The following C11orf65 variants were observed in gnomAD, a reference collection of about 807,000 sequenced individuals.
C11orf65 encodes the protein chromosome 11 open reading frame 65, also known as protein MFI.
C11orf65 carries 38 observed loss-of-function variants against 35.3 expected under a neutral mutation model. The observed-to-expected ratio is 1.08, with a 90% CI of 0.83 to 1.41. The LOEUF is 1.41. Ranked by LOEUF, C11orf65 falls within the 40% of genes most tolerant of loss-of-function variation. C11orf65 has a pLI of 0.00. For synonymous variants in C11orf65, 105 were observed against 114.4 expected (o/e 0.92, Z 0.53); for missense variants, 370 against 367.1 (o/e 1.01, Z -0.06).
chr11:108,402,430 G>C (rs1471139399), intron 6 of C11orf65, among the ~76,000 whole-genome samples: 3 of 152,130 alleles, frequency 2.0e-5, no homozygotes, highest in Non-Finnish European at 4.4e-5. Flanking sequence ...TGGTAGTACT[G>C]TAGGCATTGT....
chr11:108,349,011 T>A (rs1372113635), intron 2 of C11orf65, among the ~76,000 whole-genome samples: 3 of 152,132 alleles, frequency 2.0e-5, no homozygotes. Context: ...GCAAATAGAT[T>A]TCAGTTGAAG....
intron 2 of C11orf65, among the ~76,000 whole-genome samples, chr11:108,451,248 T>C (rs2093343878): frequency 6.6e-6 from 1 of 151,880 alleles, no homozygotes; most frequent in Non-Finnish European, 1.5e-5. Flanking sequence ...GATTGTATAT[T>C]TAGAAAACCC....
In C11orf65 at chr11:108,331,495, T is replaced by G; in HGVS notation, c.*55A>C. ...TAAATTTTTGCCTCTTATGTACCAA[T>G]TGGCTGCTAGAATGGGGACCAAGAT... On this transcript the variant is annotated 3_prime_UTR_variant, in exon 4 of 4. Transcript: ENST00000524755. 6.2e-7 allele frequency: 1 copy of G among 1,613,566 alleles called. No homozygotes were observed. Among genetic ancestry groups the G allele is most frequent in the Non-Finnish European group, 8.5e-7 (1 of 1,179,778 alleles).
chr11:108,310,401 C>T (rs1031687154), intron 6 of C11orf65: 27 of 1,246,640 alleles, frequency 2.2e-5, no homozygotes, highest in Non-Finnish European at 2.9e-5. Flanking sequence ...ATTTTGCCTC[C>T]TGTTCCCCAT....
rs974003405 is a variant in C11orf65, at chr11:108,362,560, C to A, written c.227-27268G>T. ...ACTTGGAACCAACCCAAATGTCCAA[C>A]AATGATAGACTGGATTAAGAAAATG... On this transcript the variant is annotated intron_variant, in intron 2 of 3. Coordinates refer to the C11orf65 transcript ENST00000524755. 6.0e-4 allele frequency among the ~76,000 whole-genome samples: 89 copies of A among 149,472 alleles called. 1 individual carries two copies. Among genetic ancestry groups the A allele is most frequent in the African/African-American group, 1.9e-3 (78 of 40,550 alleles).
At chr11:108,414,901 T>C (rs1422947053) in intron 3 of C11orf65, among the ~76,000 whole-genome samples, 3 of 152,114 alleles carry the variant, frequency 2.0e-5, no homozygotes, top group East Asian at 1.9e-4. Flanking sequence ...GCCACTATTA[T>C]ATTGTATCAA....
intron 2 of C11orf65, among the ~76,000 whole-genome samples, chr11:108,356,967 C>T (rs1227841797): frequency 6.6e-6 from 1 of 152,208 alleles, no homozygotes; most frequent in Non-Finnish European, 1.5e-5. Context: ...AGGAACAGCT[C>T]CGGTATACAG....
intron 6 of C11orf65, among the ~76,000 whole-genome samples, chr11:108,397,045 G>C (rs1181936620): frequency 1.3e-5 from 2 of 152,070 alleles, no homozygotes; most frequent in South Asian, 2.1e-4. Flanking sequence ...AAATTGGCTA[G>C]GGTGGTGGCT....
intron 2 of C11orf65, among the ~76,000 whole-genome samples, chr11:108,338,862 C>T (rs991187686): frequency 3.9e-5 from 6 of 152,084 alleles, no homozygotes; most frequent in African/African-American, 7.2e-5. Context: ...GTGTTCTTGC[C>T]TTTAGTTAAG....
intron 2 of C11orf65, among the ~76,000 whole-genome samples, chr11:108,436,271 T>A (rs558232138): frequency 2.1e-4 from 32 of 152,300 alleles, no homozygotes; most frequent in African/African-American, 7.7e-4. Flanking sequence ...CATTTCAGAC[T>A]TCTGACCTCC....
At chr11:108,451,673 A>G (rs1240163867) in intron 2 of C11orf65, among the ~76,000 whole-genome samples, 1 of 152,178 alleles carries the variant, frequency 6.6e-6, no homozygotes, top group Non-Finnish European at 1.5e-5. Flanking sequence ...TTCACATGGA[A>G]CCAAAAAAGA....
chr11:108,352,569 C>T (rs1410484401), intron 2 of C11orf65, among the ~76,000 whole-genome samples: 1 of 152,128 alleles, frequency 6.6e-6, no homozygotes, highest in Non-Finnish European at 1.5e-5. Flanking sequence ...ACTCTCAAAA[C>T]TTAACAACAA....
chr11:108,353,699 C>A, intron 2 of C11orf65: 1 of 1,299,362 alleles, frequency 7.7e-7, no homozygotes, highest in Non-Finnish European at 1.1e-6. Context: ...GTAAAGTTCA[C>A]ATTCTAACTG....
intron 2 of C11orf65, among the ~76,000 whole-genome samples, chr11:108,446,419 C>G (rs1382450011): frequency 2.6e-5 from 4 of 151,668 alleles, no homozygotes; most frequent in Admixed American, 1.3e-4. Flanking sequence ...GCCCATCAGA[C>G]TAACAGCGGA....
At chr11:108,437,666 C>T (rs996187834) in intron 2 of C11orf65, among the ~76,000 whole-genome samples, 2 of 126,992 alleles carry the variant, frequency 1.6e-5, no homozygotes, top group Admixed American at 1.0e-4. Context: ...GCTGAGATAG[C>T]ACCACTGCAC....
At chr11:108,330,149 G>T (rs1000754618), downstream of C11orf65, 1 of 1,526,002 alleles carries the variant, frequency 6.6e-7, no homozygotes, top group Non-Finnish European at 9.0e-7. Context: ...TGTATATCAT[G>T]TGTGATTTTG....
At chr11:108,424,386 C>T (rs202001677) in intron 3 of C11orf65, among the ~76,000 whole-genome samples, 32 of 151,878 alleles carry the variant, frequency 2.1e-4, no homozygotes, top group African/African-American at 7.7e-4. Context: ...AACAAAGCCT[C>T]CAAGAAATAT....
chr11:108,379,949 G>C (rs1461069266), downstream of C11orf65, among the ~76,000 whole-genome samples: 1 of 152,134 alleles, frequency 6.6e-6, no homozygotes, highest in Admixed American at 6.5e-5. Context: ...AGATCTAGCA[G>C]GCACAGTAGA....
rs1458155178 is a variant in C11orf65 at position 108,438,566 on chromosome 11, A to G, written c.82-6728T>C. On this transcript the variant is annotated intron_variant, in intron 2 of 8. Transcript: ENST00000393084. ...ATTTCGTCTGGAAAAAAAAAAAATCAAAGATCCAAATATAAGAGTTAAAGC... is the reference window on the plus strand; with the variant it reads ...ATTTCGTCTGGAAAAAAAAAAAATCGAAGATCCAAATATAAGAGTTAAAGC... 3.3e-5 allele frequency among the ~76,000 whole-genome samples: 5 copies of G among 151,660 alleles called. No homozygotes were observed. In the East Asian group the frequency reaches 9.6e-4, roughly 29 times the overall value.
Sources: allele counts gnomAD v4.1 joint callset (sites outside exome capture counted in the v4.1 genomes callset), GRCh38; gene constraint gnomAD v4.1.1; transcripts MANE v1.5; gene names NCBI Gene and HGNC (gene_info 2026-07-23, HGNC 2026-07-21).